The following SYT14 variants were observed in gnomAD, a reference collection of about 807,000 sequenced individuals.
SYT14 encodes the protein synaptotagmin 14.
A neutral mutation model predicts 74.2 loss-of-function variants in SYT14; 32 were observed. That is an observed-to-expected ratio of 0.43 (90% CI 0.33 to 0.58). SYT14 has a LOEUF of 0.58. SYT14 is among the 20% of genes least tolerant of loss of function. SYT14 has a pLI of 0.05. For missense variants in SYT14, 791 were observed against 981.8 expected, an observed-to-expected ratio of 0.81 and a Z score of 2.60; for synonymous variants, 298 against 337.7, an observed-to-expected ratio of 0.88 and a Z score of 1.29.
intron 5 of SYT14, among the ~76,000 whole-genome samples, chr1:210,037,292 T>C (rs1482033702): frequency 6.6e-6 from 1 of 152,084 alleles, no homozygotes; most frequent in East Asian, 1.9e-4. Flanking sequence ...GTTTAAAATT[T>C]CTGATTGTGC....
At chr1:209,980,799 G>C (rs1193068947) in intron 2 of SYT14, among the ~76,000 whole-genome samples, 1 of 152,078 alleles carries the variant, frequency 6.6e-6, no homozygotes, top group African/African-American at 2.4e-5. Flanking sequence ...CTGTTCCATT[G>C]GTCTATGTGT....
chr1:210,002,812 A>AT (rs2079925069), intron 2 of SYT14, among the ~76,000 whole-genome samples: 1 of 151,970 alleles, frequency 6.6e-6, no homozygotes, highest in Non-Finnish European at 1.5e-5. Context: ...GTTTTTACAC[A>AT]TTTTTTATGT....
chr1:210,030,107 A>G (rs960087466), intron 5 of SYT14, among the ~76,000 whole-genome samples: 7 of 151,844 alleles, frequency 4.6e-5, no homozygotes, highest in African/African-American at 1.7e-4. Context: ...GAATCCTGCT[A>G]CTTTGCTGGA....
chr1:210,005,471 T>G (rs1022134961), intron 2 of SYT14, among the ~76,000 whole-genome samples: 1 of 151,862 alleles, frequency 6.6e-6, no homozygotes, highest in African/African-American at 2.4e-5. Context: ...AAGATCTTAT[T>G]GAAAAGAAAG....
At chr1:210,157,115 A>G (rs1377377831) in intron 8 of SYT14, among the ~76,000 whole-genome samples, 2 of 152,124 alleles carry the variant, frequency 1.3e-5, no homozygotes, top group African/African-American at 4.8e-5. Context: ...GACTTACTTA[A>G]TGCCATGTTT....
intron 5 of SYT14, among the ~76,000 whole-genome samples, chr1:210,043,385 AAC>A (rs1482486404): frequency 6.6e-6 from 1 of 152,102 alleles, no homozygotes; most frequent in Non-Finnish European, 1.5e-5. Flanking sequence ...TTTCTACTCC[AAC>A]TCTCTAGTTC....
intron 7 of SYT14, among the ~76,000 whole-genome samples, chr1:210,139,834 A>G (rs1424746044): frequency 1.3e-5 from 2 of 152,142 alleles, no homozygotes; most frequent in African/African-American, 4.8e-5. Flanking sequence ...TGGGGACTTA[A>G]TAATATTCTT....
At chr1:209,956,073 A>G (rs2078986729) in intron 2 of SYT14, among the ~76,000 whole-genome samples, 1 of 152,038 alleles carries the variant, frequency 6.6e-6, no homozygotes, top group South Asian at 2.1e-4. Flanking sequence ...GTAAGCACCC[A>G]TCTTAACTCC....
chr1:209,943,931 A>AT (rs2078780360), intron 1 of SYT14, among the ~76,000 whole-genome samples: 1 of 152,080 alleles, frequency 6.6e-6, no homozygotes, highest in Non-Finnish European at 1.5e-5. Flanking sequence ...TTGATTTACC[A>AT]TTTTTTTAGA....
chr1:210,027,559 TCCCAGAGA>T (rs1384898720), intron 5 of SYT14, among the ~76,000 whole-genome samples: 34 of 152,294 alleles, frequency 2.2e-4, no homozygotes, highest in Admixed American at 7.8e-4. Context: ...GTCTCATCCA[TCCCAGAGA>T]TGGATGAAAA....
chr1:210,063,601 G>A (rs227212), intron 5 of SYT14, among the ~76,000 whole-genome samples: 133,715 of 151,822 alleles, frequency 0.88, 59,247 homozygotes, highest in African/African-American at 0.97. Flanking sequence ...TTTAATTACC[G>A]TTGTGAAGTT....
intron 2 of SYT14, among the ~76,000 whole-genome samples, chr1:210,005,795 A>G (rs2102894758): frequency 6.6e-6 from 1 of 152,064 alleles, no homozygotes; most frequent in East Asian, 1.9e-4. Context: ...TATGAAGTAC[A>G]TTAAGTATTA....
chr1:210,137,611 TAG>T (rs1412241650), intron 7 of SYT14, among the ~76,000 whole-genome samples: 1 of 151,364 alleles, frequency 6.6e-6, no homozygotes, highest in African/African-American at 2.4e-5. Context: ...GGTAAATAGG[TAG>T]AGTAGGTTGA....
At chr1:210,049,646 A>C (rs1009887035) in intron 5 of SYT14, among the ~76,000 whole-genome samples, 1 of 151,788 alleles carries the variant, frequency 6.6e-6, no homozygotes, top group Non-Finnish European at 1.5e-5. Context: ...ATATGTTCTC[A>C]TTGTTCAACT....
rs916472390 is a variant in SYT14, at chr1:210,155,755, C to T, written c.2069C>T (p.Ser690Leu). ...TCCCAAATGAGCGTGTCAGAAATGT[C>T]GTGTAGTGAAAGTACATCCTCATGT... The change falls in exon 8 of 10, where the codon TCG (serine) becomes TTG (leucine). Residue 690 changes from serine (S) to leucine (L), a missense_variant. Coordinates refer to ENST00000637265, the Ensembl canonical transcript of SYT14. 1 of 1,613,988 alleles carries T rather than the reference C, an allele frequency of 6.2e-7. No homozygotes were observed. The highest frequency in any genetic ancestry group is 8.5e-7 in the Non-Finnish European group (1 of 1,179,978).
exon 10 of SYT14, chr1:210,169,983 T>G (rs1203372589): frequency 6.6e-6 from 1 of 152,014 alleles, no homozygotes; most frequent in Non-Finnish European, 1.5e-5. Flanking sequence ...TTCCTAGTTC[T>G]TTCATTTTTT....
intron 7 of SYT14, among the ~76,000 whole-genome samples, chr1:210,115,889 G>A (rs1460074110): frequency 6.6e-6 from 1 of 151,266 alleles, no homozygotes; most frequent in Non-Finnish European, 1.5e-5. Context: ...CTTTGTGTGA[G>A]CAATAAAGCT....
Position 210,015,931 on chromosome 1 carries a change from A to C in SYT14, c.-73A>C. On this transcript the variant is annotated 5_prime_UTR_variant, in exon 4 of 10. Transcript: ENST00000637265. The stretch of plus-strand genomic sequence containing the variant: ...AACATTTAAGTAAATGTTAAATTCA[A>C]GTTCCAAAGTGGTTGATATTTTCAG... The C allele has an allele frequency of 2.4e-6, 3 of 1,230,586 alleles. 1 individual carries two copies. Among genetic ancestry groups the C allele is most frequent in the South Asian group, 8.5e-5 (2 of 23,620 alleles). The allele number at this position is 1,230,586 out of a possible 1,614,324, so 76.2% of individuals were successfully genotyped here.
At chr1:209,988,570 G>T (rs932444418) in intron 2 of SYT14, among the ~76,000 whole-genome samples, 3 of 152,110 alleles carry the variant, frequency 2.0e-5, no homozygotes, top group Admixed American at 2.0e-4. Context: ...TCTGAGATAG[G>T]TTAAATTACC....
Sources: allele counts gnomAD v4.1 joint callset (sites outside exome capture counted in the v4.1 genomes callset), GRCh38; gene constraint gnomAD v4.1.1; transcripts MANE v1.5; gene names NCBI Gene and HGNC (gene_info 2026-07-23, HGNC 2026-07-21).